GABRB3: variants seen among roughly 807,000 people sequenced by gnomAD.
GABRB3 encodes the protein gamma-aminobutyric acid receptor subunit beta-3.
A neutral mutation model predicts 52.1 loss-of-function variants in GABRB3; 14 were observed. The ratio of observed to expected loss-of-function variants is 0.27; its 90% CI spans 0.18 to 0.42. GABRB3 has a LOEUF of 0.42. Ranked by LOEUF, GABRB3 falls within the 10% of genes least tolerant of loss-of-function variation. The pLI is 1.00. For missense variants in GABRB3, 307 were observed against 609.1 expected (o/e 0.50, Z 5.22); for synonymous variants, 260 against 232.3 (o/e 1.12, Z -1.08).
At chr15:26,773,339 C>T (rs947967861), upstream of GABRB3, among the ~76,000 whole-genome samples, 1 of 150,698 alleles carries the variant, frequency 6.6e-6, no homozygotes, top group Non-Finnish European at 1.5e-5. Flanking sequence ...GCGACCTGGG[C>T]CGGACGCTGC....
At chr15:26,647,033 C>T (rs186061650) in intron 3 of GABRB3, among the ~76,000 whole-genome samples, 33 of 152,198 alleles carry the variant, frequency 2.2e-4, no homozygotes, top group African/African-American at 7.0e-4. Context: ...TTAGTATAGA[C>T]GGGGTTTCAC....
rs1891195857 is a variant in GABRB3, at chr15:26,772,939, C to T, written c.24G>A (p.Arg8=). Reference sequence around the variant, plus strand: ...CCGGGGCCGAGAAGATGCCGAAAAGCCTTCCTCCCGCAAGGCCCCACATCC... The same window carrying T: ...CCGGGGCCGAGAAGATGCCGAAAAGTCTTCCTCCCGCAAGGCCCCACATCC... MWGLAGG[R]LFGIFSAPVL... Residue 8 remains arginine, a synonymous_variant, in exon 1 of 9, where the codon AGG becomes AGA. Coordinates refer to ENST00000311550, the MANE Select transcript of GABRB3 (RefSeq NM_000814.6). The T allele has an allele frequency of 1.3e-6, 2 of 1,483,084 alleles. No individual in the cohort carries two copies. Among genetic ancestry groups the T allele is most frequent in the South Asian group, 1.3e-5 (1 of 79,104 alleles). The allele number at this position is 1,483,084 out of a possible 1,614,324, so 91.9% of individuals were successfully genotyped here.
At chr15:26,571,839 A>G (rs1040804314) in intron 6 of GABRB3, among the ~76,000 whole-genome samples, 1 of 152,022 alleles carries the variant, frequency 6.6e-6, no homozygotes, top group Admixed American at 6.6e-5. Context: ...CGCGAGGTCA[A>G]GAGATCGAGA....
intron 4 of GABRB3, among the ~76,000 whole-genome samples, chr15:26,600,278 T>C (rs530358615): frequency 7.2e-5 from 11 of 151,962 alleles, no homozygotes; most frequent in South Asian, 4.2e-4. Flanking sequence ...AGTCACATAA[T>C]AGGATTTGCA....
intron 3 of GABRB3, among the ~76,000 whole-genome samples, chr15:26,648,529 A>C (rs1356105696): frequency 6.6e-6 from 1 of 152,216 alleles, no homozygotes; most frequent in East Asian, 1.9e-4. Context: ...ATGATCCCGA[A>C]GAAAGGGGCA....
chr15:26,555,558 A>T (rs1889722039), intron 8 of GABRB3, among the ~76,000 whole-genome samples: 1 of 152,176 alleles, frequency 6.6e-6, no homozygotes, highest in South Asian at 2.1e-4. Flanking sequence ...GGGAAGTCAA[A>T]CCCACCTCCC....
intron 3 of GABRB3, among the ~76,000 whole-genome samples, chr15:26,694,338 A>G (rs1888672304): frequency 6.6e-6 from 1 of 152,300 alleles, no homozygotes; most frequent in Middle Eastern, 3.4e-3. Context: ...AAAAACTGTG[A>G]CCTAATCACA....
intron 3 of GABRB3, among the ~76,000 whole-genome samples, chr15:26,728,549 A>G (rs1889830341): frequency 6.6e-6 from 1 of 152,212 alleles, no homozygotes; most frequent in African/African-American, 2.4e-5. Flanking sequence ...GGCCCAAGGG[A>G]GAAAATACCA....
chr15:26,557,882 G>A (rs1030155376), intron 8 of GABRB3: 13 of 152,072 alleles, frequency 8.5e-5, no homozygotes, highest in Non-Finnish European at 2.9e-5. Flanking sequence ...TTTCTCTATG[G>A]ATGCTAGAGT....
At chr15:26,602,721 T>C (rs981022351) in intron 4 of GABRB3, among the ~76,000 whole-genome samples, 4 of 151,910 alleles carry the variant, frequency 2.6e-5, no homozygotes, top group Non-Finnish European at 4.4e-5. Flanking sequence ...CAAATAATAA[T>C]GGGAACACAA....
intron 3 of GABRB3, among the ~76,000 whole-genome samples, chr15:26,768,038 T>C (rs916030377): frequency 6.6e-6 from 1 of 152,082 alleles, no homozygotes; most frequent in Non-Finnish European, 1.5e-5. Context: ...ATGGATTTTA[T>C]AAGAAAATGC....
chr15:26,634,606 G>A (rs936338591), intron 3 of GABRB3, among the ~76,000 whole-genome samples: 1 of 151,966 alleles, frequency 6.6e-6, no homozygotes, highest in East Asian at 1.9e-4. Flanking sequence ...CTAGAGTATG[G>A]AGGTCAAATA....
At chr15:26,619,551 G>C (rs1289326143) in intron 4 of GABRB3, among the ~76,000 whole-genome samples, 1 of 150,218 alleles carries the variant, frequency 6.7e-6, no homozygotes, top group Non-Finnish European at 1.5e-5. Context: ...ATAGCATTGG[G>C]ATATATACCT....
chr15:26,625,557 G>C (rs2140547238), intron 3 of GABRB3: 2 of 921,764 alleles, frequency 2.2e-6, no homozygotes, highest in Non-Finnish European at 2.6e-6. Context: ...AAGATACTTT[G>C]AGACTTTAAA....
At position 26,621,668 on chromosome 15, in the gene GABRB3, C is replaced by A; in HGVS notation, c.241-134G>T. 1 of 686,144 alleles carries A rather than the reference C, an allele frequency of 1.5e-6. No individual in the cohort carries two copies. The highest frequency in any genetic ancestry group is 2.5e-6 in the Non-Finnish European group (1 of 397,878). 42.5% of individuals were successfully genotyped at this position (686,144 alleles called of 1,614,324 possible). A position where few individuals can be genotyped will look rare whatever the true frequency, so the allele number is the denominator to read the frequency against. On this transcript the variant is annotated intron_variant, in intron 3 of 8. Coordinates refer to ENST00000311550, the MANE Select transcript of GABRB3 (RefSeq NM_000814.6). The surrounding 1 kb of genome is among the most constrained non-coding windows in gnomAD (Gnocchi z 4.1). ...AGGAGAAACGGATGCCATTTTTATG[C>A]AGAATGGGAAGCAATGGCTGCTTTC...
At chr15:26,554,669 C>T (rs1232478802) in intron 8 of GABRB3, among the ~76,000 whole-genome samples, 1 of 152,156 alleles carries the variant, frequency 6.6e-6, no homozygotes, top group East Asian at 1.9e-4. Flanking sequence ...AGCACGTGTA[C>T]CACGTCCGCG....
At chr15:26,724,343 A>G (rs1390142315) in intron 3 of GABRB3, among the ~76,000 whole-genome samples, 1 of 152,114 alleles carries the variant, frequency 6.6e-6, no homozygotes, top group African/African-American at 2.4e-5. Flanking sequence ...CCCTAGGGAA[A>G]TTTTGGAAGC....
At chr15:26,762,563 G>T (rs1267012329) in intron 3 of GABRB3, among the ~76,000 whole-genome samples, 3 of 152,082 alleles carry the variant, frequency 2.0e-5, no homozygotes, top group African/African-American at 7.2e-5. Flanking sequence ...GGAAAACGTT[G>T]AATTCTTCAC....
intron 4 of GABRB3, among the ~76,000 whole-genome samples, chr15:26,618,495 C>T (rs1196472718): frequency 5.9e-5 from 9 of 152,092 alleles, no homozygotes; most frequent in Admixed American, 5.2e-4. Flanking sequence ...CCCTTCCTTA[C>T]ACCTTATACA....
Sources: gnomAD v4.1 joint callset for allele counts (sites outside exome capture counted in the v4.1 genomes callset) on GRCh38, gnomAD v4.1.1 for gene constraint, Gnocchi (gnomAD v3.1) non-coding constraint, MANE v1.5 for transcripts, NCBI Gene and HGNC (gene_info 2026-07-23, HGNC 2026-07-21) for gene names.